The following PIK3CA variants were observed in gnomAD, a reference collection of about 807,000 sequenced individuals.
PIK3CA encodes the protein phosphatidylinositol 4,5-bisphosphate 3-kinase catalytic subunit alpha isoform.
PIK3CA carries 27 observed loss-of-function variants against 138.2 expected under a neutral mutation model. The ratio of observed to expected loss-of-function variants is 0.20; its 90% CI spans 0.14 to 0.27. The LOEUF is 0.27. Ranked by LOEUF, PIK3CA falls within the 10% of genes least tolerant of loss-of-function variation. The pLI is 1.00. For synonymous variants in PIK3CA, 358 were observed against 413.2 expected (o/e 0.87, Z 1.62); for missense variants, 544 against 1,277.4 (o/e 0.43, Z 8.75).
chr3:179,184,481 T>A (rs543737853), intron 1 of PIK3CA, among the ~76,000 whole-genome samples: 2 of 152,204 alleles, frequency 1.3e-5, no homozygotes, highest in Admixed American at 6.5e-5. Flanking sequence ...AGTCCCTGGT[T>A]CTCTCCCCTC....
chr3:179,177,449 A>G (rs1233579522), intron 1 of PIK3CA, among the ~76,000 whole-genome samples: 4 of 150,982 alleles, frequency 2.6e-5, no homozygotes, highest in Non-Finnish European at 5.9e-5. Flanking sequence ...AGTAGCTGGG[A>G]TTACAGGCAT....
At chr3:179,185,579 T>G (rs1723958163) in intron 1 of PIK3CA, among the ~76,000 whole-genome samples, 1 of 152,206 alleles carries the variant, frequency 6.6e-6, no homozygotes, top group Admixed American at 6.5e-5. Flanking sequence ...GAGGGCTCAG[T>G]CACAAGACTG....
chr3:179,194,210 T>G (rs762338689), intron 1 of PIK3CA, among the ~76,000 whole-genome samples: 30 of 152,310 alleles, frequency 2.0e-4, no homozygotes, highest in Middle Eastern at 6.8e-3. Context: ...CTCAAAATAC[T>G]TCAGAGAATT....
At chr3:179,179,281 T>C (rs2108369135) in intron 1 of PIK3CA, among the ~76,000 whole-genome samples, 1 of 152,378 alleles carries the variant, frequency 6.6e-6, no homozygotes, top group South Asian at 2.1e-4. Flanking sequence ...CTGTAGTATA[T>C]TTTGGAATAC....
At chr3:179,221,695 A>ATTT (rs1198554729) in intron 14 of PIK3CA, among the ~76,000 whole-genome samples, 1 of 118,952 alleles carries the variant, frequency 8.4e-6, no homozygotes, top group African/African-American at 3.8e-5. Flanking sequence ...TACAATGTAA[A>ATTT]CTTTTTTTTT....
chr3:179,176,683 A>C (rs1189861995), intron 1 of PIK3CA, among the ~76,000 whole-genome samples: 1 of 152,192 alleles, frequency 6.6e-6, no homozygotes, highest in Admixed American at 6.5e-5. Context: ...AGTACTCCAT[A>C]AAATGCTTTA....
chr3:179,190,980 A>C (rs1724120933), intron 1 of PIK3CA, among the ~76,000 whole-genome samples: 1 of 152,194 alleles, frequency 6.6e-6, no homozygotes, highest in African/African-American at 2.4e-5. Flanking sequence ...GAATAGGTGA[A>C]AAGTCTGTAT....
intron 20 of PIK3CA, among the ~76,000 whole-genome samples, chr3:179,231,630 CTTTTTTTTTTT>C (rs144349648): frequency 2.0e-5 from 1 of 50,384 alleles, no homozygotes; most frequent in South Asian, 8.9e-4. Context: ...CCTTAGCCCA[CTTTTTTTTTTT>C]TTTTTTTTTT....
chr3:179,217,707 G>A (rs903089582), intron 9 of PIK3CA, among the ~76,000 whole-genome samples: 10 of 151,750 alleles, frequency 6.6e-5, no homozygotes, highest in Admixed American at 5.3e-4. Context: ...TTTTAATGGG[G>A]GTGTTTCTTC....
rs2108416623 is a variant in PIK3CA at position 179,224,081 on chromosome 3, G to T, written c.2188G>T (p.Val730Leu). The change falls in exon 15 of 21, where the codon GTA becomes TTA. Residue 730 changes from valine to leucine, a missense_variant and splice_region_variant. Val to Leu is a conservative substitution (Grantham distance 32). Around this residue, in one of 14 missense-constraint regions of PIK3CA, gnomAD observed 35 missense variants for 49.4 expected, o/e 0.71. Coordinates refer to ENST00000263967, the MANE Select transcript of PIK3CA (RefSeq NM_006218.4). ...KQEKKDETQK[V>L]QMKFLVEQMR... ...GTGACTATCCTTTTTTTTTAATCAG[G>T]TACAGATGAAGTTTTTAGTTGAGCA... The T allele has an allele frequency of 6.5e-7, 1 of 1,546,746 alleles. No homozygotes were observed. Among genetic ancestry groups the T allele is most frequent in the Non-Finnish European group, 8.9e-7 (1 of 1,121,688 alleles).
chr3:179,201,198 G>A, intron 3 of PIK3CA, 92 bp from the exon 4 acceptor site: 1 of 1,056,870 alleles, frequency 9.5e-7, no homozygotes, highest in Non-Finnish European at 1.4e-6. Flanking sequence ...TTTCTGATAT[G>A]GATAAAGTAA....
chr3:179,151,275 G>A (rs1422247483), intron 1 of PIK3CA, among the ~76,000 whole-genome samples: 2 of 152,178 alleles, frequency 1.3e-5, no homozygotes, highest in Admixed American at 6.5e-5. Flanking sequence ...CAGTTGGCAG[G>A]TGACAGACTC....
intron 1 of PIK3CA, among the ~76,000 whole-genome samples, chr3:179,175,307 A>C (rs928790441): frequency 1.3e-5 from 2 of 152,176 alleles, no homozygotes; most frequent in African/African-American, 4.8e-5. Context: ...TTTTACCCAG[A>C]TATTGCTCTG....
In PIK3CA at chr3:179,235,027, A is replaced by G; in HGVS notation, c.*663A>G. 1 of 206,286 alleles carries G rather than the reference A, an allele frequency of 4.8e-6. No homozygotes were observed. The allele number at this position is 206,286 out of a possible 1,614,324, so 12.8% of individuals were successfully genotyped here. On this transcript the variant is annotated 3_prime_UTR_variant, in exon 21 of 21. Coordinates refer to ENST00000263967, the MANE Select transcript of PIK3CA (RefSeq NM_006218.4). ...GCAGTTTTGGAAGCAGTCACAAATG[A>G]GACCTGTTATAAGGTGGTATTTTTT...
chr3:179,189,552 T>TA (rs1724075361), intron 1 of PIK3CA, among the ~76,000 whole-genome samples: 1 of 152,110 alleles, frequency 6.6e-6, no homozygotes, highest in South Asian at 2.1e-4. Context: ...CACATTGCTA[T>TA]AAATACTACT....
chr3:179,199,083 A>G lies in PIK3CA; in HGVS notation c.258A>G (p.Thr86=). Residue 86 remains threonine, a synonymous_variant, in exon 2 of 21, where the codon ACA becomes ACG. Transcript: ENST00000263967. ...EAEREEFFDE[T]RRLCDLRLFQ... ...AAAGGGAAGAATTTTTTGATGAAAC[A>G]AGACGACTTTGTGACCTTCGGCTTT... 6.2e-7 allele frequency: 1 copy of G among 1,613,690 alleles called. No homozygotes were observed. Among genetic ancestry groups the G allele is most frequent in the Non-Finnish European group, 8.5e-7 (1 of 1,179,842 alleles).
In PIK3CA at chr3:179,183,045, T is replaced by C. The variant is rs148843714; in HGVS notation, c.-76-15705T>C. Among the ~76,000 whole-genome samples, 891 of 152,366 alleles carry C rather than the reference T, an allele frequency of 5.8e-3. 3 individuals carry two copies. The highest frequency in any genetic ancestry group is 9.2e-3 in the Non-Finnish European group (623 of 68,036). ...TGAAATTAAGCTACCCTCTCTCTGA[T>C]TGCACTTCTGGGAGATCTGAGTTTC... is the stretch of plus-strand genomic sequence containing the variant. On this transcript the variant is annotated intron_variant, in intron 1 of 20. Coordinates refer to ENST00000263967, the MANE Select transcript of PIK3CA (RefSeq NM_006218.4).
chr3:179,231,210 G>A (rs531166889), intron 20 of PIK3CA, among the ~76,000 whole-genome samples: 13 of 152,192 alleles, frequency 8.5e-5, no homozygotes, highest in Non-Finnish European at 1.9e-4. Flanking sequence ...TTGGTCAGTG[G>A]GTACTTAACG....
chr3:179,222,395 T>C (rs1246246609), intron 14 of PIK3CA, among the ~76,000 whole-genome samples: 1 of 152,216 alleles, frequency 6.6e-6, no homozygotes. Context: ...GGGTCTAGAT[T>C]GCCCTGGAAG....
Sources: allele counts gnomAD v4.1 joint callset (sites outside exome capture counted in the v4.1 genomes callset), GRCh38; gene constraint gnomAD v4.1.1; regional missense constraint gnomAD v4.1.1; transcripts MANE v1.5; gene names NCBI Gene and HGNC (gene_info 2026-07-23, HGNC 2026-07-21).